PHYHIP: variants seen among roughly 807,000 people sequenced by gnomAD.
PHYHIP encodes phytanoyl-CoA 2-hydroxylase interacting protein.
In PHYHIP, 7 loss-of-function variants were observed where a neutral mutation model predicts 26.1. That is an observed-to-expected ratio of 0.27 (90% CI 0.15 to 0.50). PHYHIP has a LOEUF of 0.50. Ranked by LOEUF, PHYHIP falls within the 20% of genes least tolerant of loss-of-function variation. The pLI is 0.98. For synonymous variants in PHYHIP, 206 were observed against 183.4 expected (o/e 1.12, Z -1.00); for missense variants, 232 against 454.7 (o/e 0.51, Z 4.45).
In PHYHIP at chr8:22,231,823, A is replaced by G. The variant is rs1172374684; in HGVS notation, c.-57T>C. The G allele has an allele frequency of 6.6e-6, 1 of 152,272 alleles. No individual in the cohort carries two copies. Among genetic ancestry groups the G allele is most frequent in the African/African-American group, 2.4e-5 (1 of 41,466 alleles). 9.4% of individuals were successfully genotyped at this position (152,272 alleles called of 1,614,324 possible). ...GGCTCCACTGGGCTCTGCAGAGGAA[A>G]AGCTCGCAGGGAGGACAGGGAGAGA... On this transcript the variant is annotated 5_prime_UTR_variant, in exon 1 of 5. Transcript: ENST00000454243.
rs1829877095 is a variant in PHYHIP, at chr8:22,231,929, C to G, written c.-163G>C. ...GGCAGTGGCGTGCGCTTGCTCCTCT[C>G]CCGGCTGCCAAGGAGGCTGCTTCCA... On this transcript the variant is annotated 5_prime_UTR_variant, in exon 1 of 5. Transcript: ENST00000454243. 6.6e-6 allele frequency: 1 copy of G among 152,472 alleles called. No homozygotes were observed. The highest frequency in any genetic ancestry group is 2.1e-4 in the South Asian group (1 of 4,828). The allele number at this position is 152,472 out of a possible 1,614,324, so 9.4% of individuals were successfully genotyped here. A position where few individuals can be genotyped will look rare whatever the true frequency, so the allele number is the denominator to read the frequency against.
rs774463765 is a variant in PHYHIP at position 22,221,011 on chromosome 8, G to C, written c.*342C>G. The C allele has an allele frequency of 8.1e-6, 2 of 248,362 alleles. No homozygotes were observed. The highest frequency in any genetic ancestry group is 1.3e-3 in the Middle Eastern group (1 of 750). 15.4% of individuals were successfully genotyped at this position (248,362 alleles called of 1,614,324 possible). A position where few individuals can be genotyped will look rare whatever the true frequency, so the allele number is the denominator to read the frequency against. On this transcript the variant is annotated 3_prime_UTR_variant, in exon 5 of 5. Coordinates refer to ENST00000454243, the MANE Select transcript of PHYHIP (RefSeq NM_014759.5). The surrounding 1 kb of genome is among the most constrained non-coding windows in gnomAD (Gnocchi z 7.9). ...TTGGCCCAGAGGGGCTTCCCTGGGA[G>C]AGCCCAGGAGGTGGGCAGGTCTTTG...
chr8:22,227,869 G>T (rs562121716), intron 2 of PHYHIP, among the ~76,000 whole-genome samples: 77 of 152,354 alleles, frequency 5.1e-4, no homozygotes, highest in African/African-American at 1.8e-3. Context: ...CACCCTACCC[G>T]GGCTCTCTGC....
chr8:22,223,143 A>G (rs1013281603), intron 4 of PHYHIP, among the ~76,000 whole-genome samples: 1 of 151,906 alleles, frequency 6.6e-6, no homozygotes, highest in Non-Finnish European at 1.5e-5. Context: ...TGGGCGGATC[A>G]CCTGAGGTCA....
chr8:22,228,412 C>A, intron 1 of PHYHIP, 26 bp from the exon 2 acceptor site: 2 of 1,390,898 alleles, frequency 1.4e-6, no homozygotes, highest in Non-Finnish European at 2.0e-6. Flanking sequence ...AGGGTCAGTA[C>A]ATCCCTTGAC....
intron 1 of PHYHIP, 137 bp downstream of exon 1, chr8:22,231,657 CGG>C (rs10537398): frequency 0.36 from 54,636 of 150,224 alleles, 10,370 homozygotes; most frequent in East Asian, 0.53. Context: ...AAGGCCTGGC[CGG>C]GGGGGGGGAG....
chr8:22,228,426 G>T, intron 1 of PHYHIP, 40 bp from the exon 2 acceptor site: 2 of 1,281,016 alleles, frequency 1.6e-6, no homozygotes, highest in Non-Finnish European at 2.2e-6. Context: ...CCTTGACCCC[G>T]GCGAGCTTTC....
At chr8:22,224,422 C>T in intron 3 of PHYHIP, 79 bp from the exon 4 acceptor site, 1 of 820,540 alleles carries the variant, frequency 1.2e-6, no homozygotes, top group South Asian at 1.4e-5. Flanking sequence ...CCCCACCCCA[C>T]ACTGTGTGTG....
chr8:22,227,102 C>T, intron 2 of PHYHIP, 77 bp from the exon 3 acceptor site: 1 of 1,303,376 alleles, frequency 7.7e-7, no homozygotes, highest in Non-Finnish European at 1.1e-6. Flanking sequence ...CCCCAGAATC[C>T]CCACTCCCCA....
chr8:22,223,360 CAAAAAAAAAAA>C, intron 4 of PHYHIP, among the ~76,000 whole-genome samples: 1 of 62,076 alleles, frequency 1.6e-5, no homozygotes, highest in Non-Finnish European at 3.7e-5. Flanking sequence ...GACGCCATCT[CAAAAAAAAAAA>C]AAAAAAAAAA....
At position 22,221,959 on chromosome 8, in the gene PHYHIP, C is replaced by G; in HGVS notation, c.459-72G>C. On this transcript the variant is annotated intron_variant, in intron 4 of 4. Transcript: ENST00000454243. The surrounding 1 kb of genome is among the most constrained non-coding windows in gnomAD (Gnocchi z 7.9). Reference sequence around the variant, plus strand: ...GGTGAGCCGGGCTGAGGCTTGGCTGCTGCGTGTGGTCGAGGAGGGAGGAAG... The same window carrying G: ...GGTGAGCCGGGCTGAGGCTTGGCTGGTGCGTGTGGTCGAGGAGGGAGGAAG... 1 of 1,343,436 alleles carries G rather than the reference C, an allele frequency of 7.4e-7. No individual in the cohort carries two copies. Among genetic ancestry groups the G allele is most frequent in the South Asian group, 1.5e-5 (1 of 67,920 alleles). 83.2% of individuals were successfully genotyped at this position (1,343,436 alleles called of 1,614,324 possible). A position where few individuals can be genotyped will look rare whatever the true frequency, so the allele number is the denominator to read the frequency against.
At chr8:22,222,182 A>T (rs1829644555) in intron 4 of PHYHIP, among the ~76,000 whole-genome samples, 2 of 151,540 alleles carry the variant, frequency 1.3e-5, no homozygotes, top group Non-Finnish European at 2.9e-5. Context: ...TCATGATCTG[A>T]TCTCTGTGGT....
intron 2 of PHYHIP, among the ~76,000 whole-genome samples, chr8:22,227,340 C>T (rs1023093814): frequency 3.3e-5 from 5 of 152,150 alleles, no homozygotes; most frequent in African/African-American, 1.2e-4. Context: ...ACTGCAGTGC[C>T]GTCTCCACGG....
At chr8:22,224,782 C>T (rs553271669) in intron 3 of PHYHIP, among the ~76,000 whole-genome samples, 1 of 152,320 alleles carries the variant, frequency 6.6e-6, no homozygotes, top group African/African-American at 2.4e-5. Flanking sequence ...ACACCACCCC[C>T]ATGGAAGCCA....
At chr8:22,222,005 C>A (rs1302824981) in intron 4 of PHYHIP, 118 bp from the exon 5 acceptor site, 4 of 782,186 alleles carry the variant, frequency 5.1e-6, no homozygotes, top group Non-Finnish European at 7.9e-6. Context: ...TCCCAGCCCT[C>A]CCCCAGCCGC....
At chr8:22,223,552 G>A (rs1381823358) in intron 4 of PHYHIP, among the ~76,000 whole-genome samples, 4 of 152,060 alleles carry the variant, frequency 2.6e-5, no homozygotes, top group African/African-American at 9.7e-5. Flanking sequence ...CTTCCCTCTG[G>A]GCCTCAGGCT....
chr8:22,231,085 C>T (rs1469728332), intron 1 of PHYHIP, among the ~76,000 whole-genome samples: 1 of 152,204 alleles, frequency 6.6e-6, no homozygotes, highest in Non-Finnish European at 1.5e-5. Context: ...CCACACTCTG[C>T]CAGCCCTGAG....
intron 1 of PHYHIP, among the ~76,000 whole-genome samples, chr8:22,229,718 C>T (rs1432492280): frequency 6.6e-6 from 1 of 152,206 alleles, no homozygotes; most frequent in Non-Finnish European, 1.5e-5. Context: ...TCTCTTCTTT[C>T]TCCCCTCTTT....
At chr8:22,228,456 T>G in intron 1 of PHYHIP, 70 bp from the exon 2 acceptor site, 1 of 862,580 alleles carries the variant, frequency 1.2e-6, no homozygotes, top group Non-Finnish European at 1.8e-6. Context: ...CTCCTCCCAA[T>G]ATCCCTTTCG....
Sources: gnomAD v4.1 joint callset for allele counts (sites outside exome capture counted in the v4.1 genomes callset) on GRCh38, gnomAD v4.1.1 for gene constraint, Gnocchi (gnomAD v3.1) non-coding constraint, MANE v1.5 for transcripts, NCBI Gene and HGNC (gene_info 2026-07-23, HGNC 2026-07-21) for gene names.